CHST11: variants seen among roughly 807,000 people sequenced by gnomAD.
The protein encoded by CHST11 is carbohydrate sulfotransferase 11.
Under a neutral mutation model 30.4 loss-of-function variants are expected in CHST11, and 9 were observed. The ratio of observed to expected loss-of-function variants is 0.30; its 90% CI spans 0.18 to 0.52. The LOEUF is 0.52. Among genes scored for constraint, CHST11 ranks in the 20% least tolerant of loss-of-function variants. CHST11 has a pLI of 0.97. For synonymous variants in CHST11, 152 were observed against 187.8 expected (o/e 0.81, Z 1.56); for missense variants, 348 against 460.6 (o/e 0.76, Z 2.24).
chr12:104,634,985 G>A (rs1334846828), intron 2 of CHST11, among the ~76,000 whole-genome samples: 2 of 152,168 alleles, frequency 1.3e-5, no homozygotes, highest in Non-Finnish European at 2.9e-5. Flanking sequence ...ACTAGGTAAG[G>A]CAAGCTGGGC....
At chr12:104,630,533 C>G (rs2136067103) in intron 2 of CHST11, among the ~76,000 whole-genome samples, 1 of 152,222 alleles carries the variant, frequency 6.6e-6, no homozygotes, top group Non-Finnish European at 1.5e-5. Context: ...ATCCGAGAAG[C>G]CAGGCTGACG....
intron 1 of CHST11, among the ~76,000 whole-genome samples, chr12:104,584,987 A>G (rs1345535212): frequency 6.6e-6 from 1 of 152,232 alleles, no homozygotes; most frequent in African/African-American, 2.4e-5. Flanking sequence ...CTCTGTTGGC[A>G]TCTTGTGCCA....
chr12:104,460,283 T>C (rs1215355318), intron 1 of CHST11, among the ~76,000 whole-genome samples: 3 of 152,126 alleles, frequency 2.0e-5, no homozygotes, highest in Non-Finnish European at 4.4e-5. Context: ...TCCAGATACC[T>C]ACATGTGAAA....
At chr12:104,618,749 G>C (rs1241008476) in intron 2 of CHST11, among the ~76,000 whole-genome samples, 2 of 152,116 alleles carry the variant, frequency 1.3e-5, no homozygotes, top group Non-Finnish European at 2.9e-5. Flanking sequence ...TGAGGCACCT[G>C]AGGCATAGAG....
intron 1 of CHST11, among the ~76,000 whole-genome samples, chr12:104,571,464 A>G (rs2038625369): frequency 6.6e-6 from 1 of 152,202 alleles, no homozygotes; most frequent in African/African-American, 2.4e-5. Flanking sequence ...ACCCGGCGAC[A>G]GACAATATTA....
intron 1 of CHST11, among the ~76,000 whole-genome samples, chr12:104,537,538 G>A (rs905208922): frequency 1.3e-5 from 2 of 152,106 alleles, no homozygotes; most frequent in African/African-American, 4.8e-5. Context: ...TTAGAACACT[G>A]GAGATGGATT....
chr12:104,680,391 A>T (rs2039783328), intron 2 of CHST11, among the ~76,000 whole-genome samples: 1 of 152,218 alleles, frequency 6.6e-6, no homozygotes, highest in Admixed American at 6.5e-5. Context: ...AGAAGCAAAC[A>T]CAAAGGCTGT....
chr12:104,652,116 GCCACGTTCCAT>G, intron 2 of CHST11, among the ~76,000 whole-genome samples: 2 of 152,254 alleles, frequency 1.3e-5, no homozygotes, highest in East Asian at 3.9e-4. Flanking sequence ...GCCGCTCCAT[GCCACGTTCCAT>G]CCTTCCCACC....
At chr12:104,625,082 T>G (rs1423114607) in intron 2 of CHST11, among the ~76,000 whole-genome samples, 1 of 152,238 alleles carries the variant, frequency 6.6e-6, no homozygotes, top group Non-Finnish European at 1.5e-5. Context: ...CCTCATTCCA[T>G]AACACCAGGT....
intron 1 of CHST11, among the ~76,000 whole-genome samples, chr12:104,592,401 G>T (rs2038868099): frequency 6.6e-6 from 1 of 152,150 alleles, no homozygotes; most frequent in Non-Finnish European, 1.5e-5. Flanking sequence ...CCTGCTTTCT[G>T]GTTCATAGAC....
At chr12:104,592,402 G>A (rs926654993) in intron 1 of CHST11, among the ~76,000 whole-genome samples, 1 of 152,134 alleles carries the variant, frequency 6.6e-6, no homozygotes, top group South Asian at 2.1e-4. Flanking sequence ...CTGCTTTCTG[G>A]TTCATAGACA....
At chr12:104,670,657 CCA>C (rs752307093) in intron 2 of CHST11, among the ~76,000 whole-genome samples, 427 of 130,692 alleles carry the variant, frequency 3.3e-3, no homozygotes, top group African/African-American at 0.013. Context: ...CCACACATAC[CCA>C]CACACACACA....
intron 2 of CHST11, among the ~76,000 whole-genome samples, chr12:104,686,112 A>T (rs775336585): frequency 1.3e-5 from 2 of 151,930 alleles, no homozygotes; most frequent in Admixed American, 6.6e-5. Flanking sequence ...GCATACCCGT[A>T]GTCCTAGCTA....
rs76161287 is a variant in CHST11 at position 104,758,306 on chromosome 12, A to G, written c.*503A>G. The G allele has an allele frequency of 0.013, 2,003 of 153,368 alleles. 22 individuals carry two copies. The highest frequency in any genetic ancestry group is 0.019 in the Non-Finnish European group (1,286 of 68,868). The allele number at this position is 153,368 out of a possible 1,614,324, so 9.5% of individuals were successfully genotyped here. On this transcript the variant is annotated 3_prime_UTR_variant, in exon 3 of 3. Transcript: ENST00000303694. Reference sequence around the variant, plus strand: ...CACCATTCTTGAATTTCTGCTAGAAATAAGTAGGTTGCTATTGCACTTAGA... The same window carrying G: ...CACCATTCTTGAATTTCTGCTAGAAGTAAGTAGGTTGCTATTGCACTTAGA...
At chr12:104,562,641 G>GT (rs2038524699) in intron 1 of CHST11, among the ~76,000 whole-genome samples, 1 of 152,170 alleles carries the variant, frequency 6.6e-6, no homozygotes, top group Non-Finnish European at 1.5e-5. Flanking sequence ...TCGTATCCTG[G>GT]TTTAGTTGCA....
At chr12:104,635,132 C>A (rs2136070545) in intron 2 of CHST11, among the ~76,000 whole-genome samples, 1 of 152,210 alleles carries the variant, frequency 6.6e-6, no homozygotes, top group South Asian at 2.1e-4. Context: ...TCATTTGTCA[C>A]AAAAGCCTTT....
In CHST11 at chr12:104,617,962, G is replaced by A. The variant is rs576529507; in HGVS notation, c.204+15971G>A. Among the ~76,000 whole-genome samples, 190 of 151,266 alleles carry A rather than the reference G, an allele frequency of 1.3e-3. 1 individual carries two copies. Among genetic ancestry groups the A allele is most frequent in the African/African-American group, 4.4e-3 (180 of 41,192 alleles). On this transcript the variant is annotated intron_variant, in intron 2 of 2. Coordinates refer to ENST00000303694, the MANE Select transcript of CHST11 (RefSeq NM_018413.6). Reference sequence around the variant, plus strand: ...CTCACTCTATTGCCCAGGCTGGTGAGCCATGGTGCGATCTCGGCTCACTGC... The same window carrying A: ...CTCACTCTATTGCCCAGGCTGGTGAACCATGGTGCGATCTCGGCTCACTGC...
intron 2 of CHST11, among the ~76,000 whole-genome samples, chr12:104,639,364 C>T (rs1465655485): frequency 6.6e-6 from 1 of 152,132 alleles, no homozygotes; most frequent in Non-Finnish European, 1.5e-5. Flanking sequence ...AAACAAATGT[C>T]CATAAGCTTG....
chr12:104,607,081 A>T (rs756086616), intron 2 of CHST11, among the ~76,000 whole-genome samples: 3 of 151,998 alleles, frequency 2.0e-5, no homozygotes, highest in Admixed American at 6.5e-5. Flanking sequence ...TAAATAAATA[A>T]ATAAATATAT....
Sources: gnomAD v4.1 joint callset for allele counts (sites outside exome capture counted in the v4.1 genomes callset) on GRCh38, gnomAD v4.1.1 for gene constraint, MANE v1.5 for transcripts, NCBI Gene and HGNC (gene_info 2026-07-23, HGNC 2026-07-21) for gene names.